MYO3B: variants seen among roughly 807,000 people sequenced by gnomAD.
MYO3B encodes the protein myosin IIIB.
In MYO3B, 156 loss-of-function variants were observed where a neutral mutation model predicts 174.6. The ratio of observed to expected loss-of-function variants is 0.89; its 90% confidence interval spans 0.78 to 1.02. The LOEUF (loss-of-function observed/expected upper bound fraction) is 1.02, where lower values mean the gene tolerates loss of function less well. Among genes scored for constraint, MYO3B ranks in the 50% least tolerant of loss-of-function variants. MYO3B has a pLI of 0.00. For missense variants in MYO3B, 1,632 were observed against 1,639.4 expected, an observed-to-expected ratio of 1.00 and a Z score of 0.08; for synonymous variants, 563 against 569.1, an observed-to-expected ratio of 0.99 and a Z score of 0.15.
chr2:170,595,351 A>G (rs1694077828), intron 32 of MYO3B, among the ~76,000 whole-genome samples: 1 of 152,192 alleles, frequency 6.6e-6, no homozygotes, highest in African/African-American at 2.4e-5. Context: ...AGACTGAATT[A>G]CGAGGTAGAA....
At chr2:170,463,266 C>G in intron 23 of MYO3B, 102 bp from the exon 24 acceptor site, 1 of 857,684 alleles carries the variant, frequency 1.2e-6, no homozygotes, top group East Asian at 2.5e-5. Context: ...ATACCATGGC[C>G]CCTCAGGTAT....
chr2:170,193,306 T>C lies in MYO3B; in HGVS notation c.3-5902T>C, dbSNP rs542497394. Among the ~76,000 whole-genome samples the C allele has an allele frequency of 1.5e-3, 224 of 152,196 alleles. 3 individuals carry two copies. Among genetic ancestry groups the C allele is most frequent in the African/African-American group, 4.9e-3 (202 of 41,566 alleles). On this transcript the variant is annotated intron_variant, in intron 1 of 34. Transcript: ENST00000408978. ...TTGTTGAATGTAAAATAACCCTTTATGTTCTTTGATAGTTTTTAACTTTAC... is the reference window on the plus strand; with the variant it reads ...TTGTTGAATGTAAAATAACCCTTTACGTTCTTTGATAGTTTTTAACTTTAC...
At chr2:170,359,003 G>A (rs1335091628) in intron 8 of MYO3B, among the ~76,000 whole-genome samples, 2 of 152,112 alleles carry the variant, frequency 1.3e-5, no homozygotes, top group Middle Eastern at 3.2e-3. Context: ...AGTCAGAAAA[G>A]TAAAAGAATA....
intron 8 of MYO3B, among the ~76,000 whole-genome samples, chr2:170,345,848 C>A (rs1310540674): frequency 6.6e-6 from 1 of 151,184 alleles, no homozygotes; most frequent in African/African-American, 2.4e-5. Flanking sequence ...CAGATAAGAT[C>A]ATGTGAAGAC....
chr2:170,629,504 G>A (rs1310497697), intron 32 of MYO3B, among the ~76,000 whole-genome samples: 3 of 152,094 alleles, frequency 2.0e-5, no homozygotes, highest in Non-Finnish European at 4.4e-5. Flanking sequence ...CCTTTTTCTT[G>A]TAATACCTTT....
At chr2:170,565,092 C>A (rs1575172468) in intron 32 of MYO3B, among the ~76,000 whole-genome samples, 1 of 152,206 alleles carries the variant, frequency 6.6e-6, no homozygotes, top group East Asian at 1.9e-4. Context: ...ACCATGACTC[C>A]ATGCAAAAAT....
intron 32 of MYO3B, among the ~76,000 whole-genome samples, chr2:170,563,024 A>G (rs899403530): frequency 2.4e-4 from 29 of 121,528 alleles, no homozygotes; most frequent in Non-Finnish European, 4.9e-4. Flanking sequence ...AAGTTGTAAA[A>G]CATGCATACA....
chr2:170,369,367 G>C lies in MYO3B; in HGVS notation c.961G>C (p.Ala321Pro). 6.2e-7 allele frequency: 1 copy of C among 1,613,278 alleles called. No individual in the cohort carries two copies. ...AGACCAGAAGCATCAAAATCCTGTT[G>C]CTAAAACCAGGTACTGTACTCTCTT... is the stretch of plus-strand genomic sequence containing the variant. ...LQDQKHQNPV[A>P]KTRHERMHTR... The change falls in exon 9 of 35, where the codon GCT becomes CCT. Residue 321 changes from alanine to proline, a missense_variant. Physicochemically the swap from Ala to Pro is conservative, Grantham distance 27. Coordinates refer to ENST00000408978, the MANE Select transcript of MYO3B (RefSeq NM_138995.5).
At chr2:170,415,713 T>G (rs1033324544) in intron 22 of MYO3B, among the ~76,000 whole-genome samples, 1 of 152,200 alleles carries the variant, frequency 6.6e-6, no homozygotes, top group Non-Finnish European at 1.5e-5. Flanking sequence ...CCTTCTGGTC[T>G]AAGGGCTTCT....
intron 8 of MYO3B, among the ~76,000 whole-genome samples, chr2:170,336,529 C>G (rs1364209076): frequency 2.0e-5 from 3 of 152,094 alleles, no homozygotes; most frequent in African/African-American, 7.2e-5. Flanking sequence ...GTAGTTGAGT[C>G]ATTTAGCAGC....
chr2:170,650,402 C>T (rs1193675064), intron 32 of MYO3B, among the ~76,000 whole-genome samples: 5 of 151,986 alleles, frequency 3.3e-5, no homozygotes, highest in Non-Finnish European at 5.9e-5. Context: ...TTTTTTAAAT[C>T]GTGGAAATCT....
chr2:170,580,722 G>GTGTGTA (rs1559133698), intron 32 of MYO3B, among the ~76,000 whole-genome samples: 3 of 60,262 alleles, frequency 5.0e-5, no homozygotes, highest in Non-Finnish European at 8.7e-5. Flanking sequence ...TTATATATGT[G>GTGTGTA]TGTGTGTGTG....
intron 9 of MYO3B, among the ~76,000 whole-genome samples, chr2:170,375,575 A>T (rs2094286107): frequency 6.6e-6 from 1 of 151,526 alleles, no homozygotes. Flanking sequence ...CCTGAGGCTG[A>T]TTAAAACAAT....
Position 170,514,956 on chromosome 2 carries a change from C to T in MYO3B, c.3406C>T (p.Pro1136Ser), listed in dbSNP as rs779052979. ...TSNQSSGPHSPVAAGTRGSAE... is the reference protein window; with the variant it reads ...TSNQSSGPHSSVAAGTRGSAE... Reference sequence around the variant, plus strand: ...AAACCAAAGCAGTGGGCCACATTCCCCCGTCGCAGCAGGTACGAGGGGAAG... The same window carrying T: ...AAACCAAAGCAGTGGGCCACATTCCTCCGTCGCAGCAGGTACGAGGGGAAG... Residue 1136 changes from proline (P) to serine (S), a missense_variant, in exon 29 of 35, where the codon CCC becomes TCC. Coordinates refer to ENST00000408978, the MANE Select transcript of MYO3B (RefSeq NM_138995.5). 43 of 1,613,782 alleles carry T rather than the reference C, an allele frequency of 2.7e-5. No individual in the cohort carries two copies. Among genetic ancestry groups the T allele is most frequent in the Admixed American group, 1.5e-4 (9 of 59,988 alleles).
chr2:170,387,060 G>A, intron 13 of MYO3B, 46 bp from the exon 14 acceptor site: 1 of 1,599,162 alleles, frequency 6.3e-7, no homozygotes, highest in Non-Finnish European at 8.6e-7. Flanking sequence ...CTTTGCTGGT[G>A]TAATGTTTCT....
chr2:170,251,803 G>T (rs1002760497), intron 7 of MYO3B, among the ~76,000 whole-genome samples: 1 of 152,196 alleles, frequency 6.6e-6, no homozygotes, highest in Non-Finnish European at 1.5e-5. Flanking sequence ...ATGGTCCATT[G>T]CTCTGGAAAG....
chr2:170,612,220 A>G (rs889960288), intron 32 of MYO3B, among the ~76,000 whole-genome samples: 2 of 152,198 alleles, frequency 1.3e-5, no homozygotes, highest in African/African-American at 4.8e-5. Context: ...CACAGGAAAG[A>G]GCATGACAGG....
rs1185399185 is a variant in MYO3B, at chr2:170,245,859, A to G, written c.749+9723A>G. Among the ~76,000 whole-genome samples the G allele has an allele frequency of 2.0e-5, 3 of 152,184 alleles. 1 individual carries two copies. The highest frequency in any genetic ancestry group is 4.4e-5 in the Non-Finnish European group (3 of 68,026). ...AGCTTTAAAAAGATACCAGTGCCTC[A>G]TGTATAGGTATGTAACAAACCTAAC... On this transcript the variant is annotated intron_variant, in intron 7 of 34. Coordinates refer to ENST00000408978, the MANE Select transcript of MYO3B (RefSeq NM_138995.5).
At chr2:170,476,145 G>T (rs528855227) in intron 25 of MYO3B, among the ~76,000 whole-genome samples, 2 of 152,158 alleles carry the variant, frequency 1.3e-5, no homozygotes, top group Admixed American at 1.3e-4. Flanking sequence ...AACCACCTGC[G>T]GGAAGGGGAG....
Sources: gnomAD v4.1 joint callset for allele counts (sites outside exome capture counted in the v4.1 genomes callset) on GRCh38, gnomAD v4.1.1 for gene constraint, MANE v1.5 for transcripts, NCBI Gene and HGNC (gene_info 2026-07-23, HGNC 2026-07-21) for gene names.